The following CCDC171 variants were observed in gnomAD, a reference collection of about 807,000 sequenced individuals.
CCDC171 encodes the protein coiled-coil domain containing 171, also known as coiled-coil domain-containing protein 171.
CCDC171 carries 177 observed loss-of-function variants against 168.2 expected under a neutral mutation model. The observed-to-expected ratio is 1.05, with a 90% CI of 0.93 to 1.19. The LOEUF is 1.19. Ranked by LOEUF, CCDC171 falls within the 50% of genes most tolerant of loss-of-function variation. The probability of loss-of-function intolerance (pLI) is 0.00; values close to 1 mark genes in which losing one functional copy is unlikely to be tolerated. For synonymous variants in CCDC171, 687 were observed against 540.8 expected, an observed-to-expected ratio of 1.27 and a Z score of -3.75; for missense variants, 1,991 against 1,539.0, an observed-to-expected ratio of 1.29 and a Z score of -4.91.
chr9:16,014,738 A>T (rs1480407726), intron 3 of CCDC171, among the ~76,000 whole-genome samples: 1 of 152,196 alleles, frequency 6.6e-6, no homozygotes, highest in Non-Finnish European at 1.5e-5. Flanking sequence ...CATTGTCAAT[A>T]AATAGTAATA....
chr9:15,845,848 G>T (rs1225272087), intron 21 of CCDC171: 1 of 151,988 alleles, frequency 6.6e-6, no homozygotes, highest in Non-Finnish European at 1.5e-5. Context: ...TTGTATCCTA[G>T]AATTTTAACT....
intron 25 of CCDC171, among the ~76,000 whole-genome samples, chr9:15,926,023 G>T (rs536851239): frequency 6.6e-6 from 1 of 151,524 alleles, no homozygotes; most frequent in African/African-American, 2.4e-5. Flanking sequence ...TCCTCTTCTA[G>T]CTAGGGAAAC....
intron 24 of CCDC171, among the ~76,000 whole-genome samples, chr9:15,880,691 G>A (rs1818527800): frequency 6.7e-6 from 1 of 150,252 alleles, no homozygotes; most frequent in South Asian, 2.1e-4. Context: ...GGCCAGGCTG[G>A]TCTCGAACTC....
At chr9:15,696,075 G>A (rs767106775) in intron 11 of CCDC171, among the ~76,000 whole-genome samples, 14 of 152,136 alleles carry the variant, frequency 9.2e-5, no homozygotes, top group Non-Finnish European at 1.0e-4. Flanking sequence ...TTTCAGCCCT[G>A]AATTATTTGG....
chr9:15,784,738 A>T (rs375545411), intron 21 of CCDC171, 44 bp downstream of exon 21: 17 of 1,421,220 alleles, frequency 1.2e-5, no homozygotes, highest in Non-Finnish European at 1.7e-5. Flanking sequence ...TATTTTATCT[A>T]TGTGTGGATC....
intron 11 of CCDC171, among the ~76,000 whole-genome samples, chr9:15,721,518 A>T (rs2134188856): frequency 6.6e-6 from 1 of 151,010 alleles, no homozygotes; most frequent in Middle Eastern, 3.4e-3. Context: ...TTTAAATTTG[A>T]TATATTATGA....
chr9:15,626,287 T>C (rs755254126), intron 7 of CCDC171, among the ~76,000 whole-genome samples: 1 of 152,218 alleles, frequency 6.6e-6, no homozygotes, highest in Admixed American at 6.5e-5. Flanking sequence ...CCTCTTTTCC[T>C]CATTGAATAC....
chr9:15,643,508 T>C (rs2046799634), intron 7 of CCDC171, among the ~76,000 whole-genome samples: 1 of 152,194 alleles, frequency 6.6e-6, no homozygotes, highest in African/African-American at 2.4e-5. Context: ...AGAAGTTTAA[T>C]TTAGGTGGCT....
chr9:15,821,888 C>T, intron 21 of CCDC171, among the ~76,000 whole-genome samples: 1 of 49,672 alleles, frequency 2.0e-5, no homozygotes, highest in Non-Finnish European at 5.0e-5. Context: ...CAATCCTAAG[C>T]CAAAAGAACA....
At chr9:16,010,807 C>T (rs1832849307) in intron 3 of CCDC171, among the ~76,000 whole-genome samples, 1 of 150,752 alleles carries the variant, frequency 6.6e-6, no homozygotes, top group Admixed American at 6.6e-5. Flanking sequence ...CAGTTTATAA[C>T]CAGTGGTATA....
chr9:16,104,511 C>A, the CCDC171 span, among the ~76,000 whole-genome samples: 3 of 152,178 alleles, frequency 2.0e-5, no homozygotes, highest in African/African-American at 7.2e-5. Flanking sequence ...GGAACACCTT[C>A]ACCTATTGAC....
intron 24 of CCDC171, among the ~76,000 whole-genome samples, chr9:15,915,768 T>C (rs911203227): frequency 6.6e-6 from 1 of 152,184 alleles, no homozygotes; most frequent in Non-Finnish European, 1.5e-5. Context: ...GGCCCTTTAC[T>C]ATGTTGAGGC....
chr9:15,920,468 G>T (rs755433012), intron 25 of CCDC171, 46 bp downstream of exon 25: 8 of 1,358,132 alleles, frequency 5.9e-6, no homozygotes, highest in Admixed American at 5.8e-5. Context: ...TGAATCTTGG[G>T]TTACATTTAC....
intron 10 of CCDC171, among the ~76,000 whole-genome samples, chr9:15,680,804 G>A (rs1189616087): frequency 6.6e-6 from 1 of 152,142 alleles, no homozygotes; most frequent in East Asian, 1.9e-4. Context: ...CAGGGTCATT[G>A]AGCTGAGTAC....
chr9:15,587,489 A>C (rs1441589176), intron 4 of CCDC171: 2 of 364,178 alleles, frequency 5.5e-6, no homozygotes, highest in Non-Finnish European at 1.1e-5. Context: ...AGCCATGTGA[A>C]ACTGTAAGTC....
chr9:15,620,507 A>T (rs2044418418), intron 6 of CCDC171, among the ~76,000 whole-genome samples: 1 of 152,246 alleles, frequency 6.6e-6, no homozygotes, highest in Non-Finnish European at 1.5e-5. Context: ...GAATTGCTGC[A>T]ATCTCATGCA....
At chr9:15,618,146 C>T (rs970553401) in intron 6 of CCDC171, among the ~76,000 whole-genome samples, 2 of 152,186 alleles carry the variant, frequency 1.3e-5, no homozygotes, top group Non-Finnish European at 2.9e-5. Context: ...CCCAGGTGCT[C>T]TGTCCTACCA....
At chr9:15,953,495 A>G (rs1283961625) in intron 25 of CCDC171, among the ~76,000 whole-genome samples, 1 of 152,112 alleles carries the variant, frequency 6.6e-6, no homozygotes, top group Admixed American at 6.6e-5. Context: ...TGGCTTTTGT[A>G]TGTTGAGCTC....
At chr9:15,757,163 T>C (rs2056173726) in intron 18 of CCDC171, among the ~76,000 whole-genome samples, 1 of 152,190 alleles carries the variant, frequency 6.6e-6, no homozygotes, top group African/African-American at 2.4e-5. Flanking sequence ...TGAAACAGTT[T>C]GGAGGGCTCA....
Sources: allele counts gnomAD v4.1 joint callset (sites outside exome capture counted in the v4.1 genomes callset), GRCh38; gene constraint gnomAD v4.1.1; transcripts MANE v1.5; gene names NCBI Gene and HGNC (gene_info 2026-07-23, HGNC 2026-07-21).